Variants in GTPBP10 observed in about 807,000 individuals in gnomAD.
The protein encoded by GTPBP10 is GTP binding protein 10, also known as GTP-binding protein 10.
Under a neutral mutation model 44.8 loss-of-function variants are expected in GTPBP10, and 38 were observed. That is an observed-to-expected ratio of 0.85 (90% CI 0.65 to 1.11). The LOEUF is 1.11. GTPBP10 is among the 50% of genes most tolerant of loss of function. The probability of loss-of-function intolerance (pLI) is 0.00; values close to 1 mark genes in which losing one functional copy is unlikely to be tolerated. For missense variants in GTPBP10, 462 were observed against 453.7 expected (o/e 1.02, Z -0.17); for synonymous variants, 152 against 150.6 (o/e 1.01, Z -0.07).
chr7:90,360,434 AAG>A (rs1269623720), intron 4 of GTPBP10, among the ~76,000 whole-genome samples: 3 of 152,186 alleles, frequency 2.0e-5, no homozygotes, highest in African/African-American at 7.2e-5. Flanking sequence ...AGGTTTGTCA[AAG>A]ATCAGATGGT....
At chr7:90,359,169 C>CT (rs896673320) in intron 4 of GTPBP10, among the ~76,000 whole-genome samples, 2 of 151,304 alleles carry the variant, frequency 1.3e-5, no homozygotes, top group Admixed American at 1.3e-4. Context: ...TTTTATTATG[C>CT]TTTAAGTTCT....
rs192991524 is a variant in GTPBP10, at chr7:90,366,313, C to T, written c.465-5842C>T. On this transcript the variant is annotated intron_variant, in intron 4 of 9. Coordinates refer to ENST00000222511, the MANE Select transcript of GTPBP10 (RefSeq NM_033107.4). ...TCATGGAATGAGTTAGAGAGGATTC[C>T]CTCTTTTTCTATTGAATGGAATTGT... Among the ~76,000 whole-genome samples, 12 of 152,186 alleles carry T rather than the reference C, an allele frequency of 7.9e-5. No individual in the cohort carries two copies. The East Asian group carries it at 2.3e-3, about 29-fold the overall frequency.
At position 90,384,977 on chromosome 7, in the gene GTPBP10, A is replaced by T; in HGVS notation, c.987A>T (p.Gly329=). Residue 329 remains glycine, a synonymous_variant, in exon 10 of 10, where the codon GGA becomes GGT. Coordinates refer to ENST00000222511, the MANE Select transcript of GTPBP10 (RefSeq NM_033107.4). ...TCATCCCCATATCTGCAGTTACTGG[A>T]GAAGGAATCGAAGAATTAAAGAATT... ...QHIIPISAVT[G]EGIEELKNCI... is the part of the protein sequence containing the mutation. 6.2e-7 allele frequency: 1 copy of T among 1,613,746 alleles called. No homozygotes were observed. Among genetic ancestry groups the T allele is most frequent in the Non-Finnish European group, 8.5e-7 (1 of 1,179,732 alleles).
At chr7:90,360,160 A>G (rs1361020495) in intron 4 of GTPBP10, among the ~76,000 whole-genome samples, 2 of 151,730 alleles carry the variant, frequency 1.3e-5, no homozygotes, top group Non-Finnish European at 2.9e-5. Flanking sequence ...CCCATTTGTC[A>G]ATTTTGTCTT....
Position 90,372,227 on chromosome 7 carries a change from A to G in GTPBP10, c.537A>G (p.Ala179=). 16 of 1,581,764 alleles carry G rather than the reference A, an allele frequency of 1.0e-5. No individual in the cohort carries two copies. The highest frequency in any genetic ancestry group is 1.4e-5 in the Non-Finnish European group (16 of 1,155,092). The change falls in exon 5 of 10, where the codon GCA becomes GCG. Residue 179 remains alanine, a splice_region_variant and synonymous_variant. Coordinates refer to ENST00000222511, the MANE Select transcript of GTPBP10 (RefSeq NM_033107.4). The part of the protein sequence containing the change: ...SHAKPAIADY[A]FTTLKPELGK... ...CAAAACCTGCAATTGCAGATTACGCATGTAAGTGTAATTTGATTGTACATT... is the reference window on the plus strand; with the variant it reads ...CAAAACCTGCAATTGCAGATTACGCGTGTAAGTGTAATTTGATTGTACATT...
rs1453351787 is a variant in GTPBP10 at position 90,385,080 on chromosome 7, A to G, written c.1090A>G (p.Ile364Val). 4.3e-6 allele frequency: 7 copies of G among 1,613,488 alleles called. No individual in the cohort carries two copies. Among genetic ancestry groups the G allele is most frequent in the Non-Finnish European group, 5.9e-6 (7 of 1,179,608 alleles). Residue 364 changes from isoleucine to valine, a missense_variant, in exon 10 of 10, where the codon ATT (isoleucine) becomes GTT (valine). By Grantham distance (29) the Ile-to-Val change is conservative (BLOSUM62 3). Coordinates refer to ENST00000222511, the MANE Select transcript of GTPBP10 (RefSeq NM_033107.4). ...TAAGAAACAGTTGCTTAATTTGTGG[A>G]TTTCTGATACAATGTCTTCTACTGA... is the stretch of plus-strand genomic sequence containing the variant. ...LHKKQLLNLW[I>V]SDTMSSTEPP...
chr7:90,384,594 AC>A (rs555620480), intron 9 of GTPBP10, among the ~76,000 whole-genome samples: 2 of 149,142 alleles, frequency 1.3e-5, no homozygotes, highest in African/African-American at 5.0e-5. Context: ...GCCTTATTTA[AC>A]CCCCCCCACA....
intron 4 of GTPBP10, among the ~76,000 whole-genome samples, chr7:90,369,681 A>C (rs77906392): frequency 6.6e-6 from 1 of 152,158 alleles, no homozygotes; most frequent in Admixed American, 6.6e-5. Context: ...GGAAAAGCGC[A>C]GTATTTAGGC....
rs368915784 is a variant in GTPBP10, at chr7:90,348,073, G to T, written c.33+1299G>T. 5.9e-5 allele frequency among the ~76,000 whole-genome samples: 9 copies of T among 152,120 alleles called. No individual in the cohort carries two copies. The East Asian group carries it at 9.7e-4, about 16-fold the overall frequency. On this transcript the variant is annotated intron_variant, in intron 1 of 9. Transcript: ENST00000222511. ...AAGACCCCATCTTTAAAACAGTCGG[G>T]GTGGTGTGGTGCCTGTAGTCCCAGC...
At chr7:90,369,486 T>C (rs1584639902) in intron 4 of GTPBP10, among the ~76,000 whole-genome samples, 2 of 152,122 alleles carry the variant, frequency 1.3e-5, no homozygotes. Flanking sequence ...TTGTTTACAC[T>C]GTCAGCACAA....
At chr7:90,375,639 G>A (rs1026206314) in intron 6 of GTPBP10, among the ~76,000 whole-genome samples, 4 of 152,078 alleles carry the variant, frequency 2.6e-5, no homozygotes, top group Admixed American at 1.3e-4. Flanking sequence ...CATTTATACC[G>A]AATTTTTAAG....
In GTPBP10 at chr7:90,388,316, A is replaced by C. The variant is rs925023354; in HGVS notation, c.*3162A>C. ...TTTCATTTTTACCTTTCAAAATGCAATTTTCAAAATATATGCTTTTTTGAA... is the reference window on the plus strand; with the variant it reads ...TTTCATTTTTACCTTTCAAAATGCACTTTTCAAAATATATGCTTTTTTGAA... On this transcript the variant is annotated 3_prime_UTR_variant, in exon 10 of 10. Transcript: ENST00000222511. 1 of 152,146 alleles carries C rather than the reference A, an allele frequency of 6.6e-6. No individual in the cohort carries two copies. Among genetic ancestry groups the C allele is most frequent in the Admixed American group, 6.5e-5 (1 of 15,278 alleles). The allele number at this position is 152,146 out of a possible 1,614,324, so 9.4% of individuals were successfully genotyped here. A position where few individuals can be genotyped will look rare whatever the true frequency, so the allele number is the denominator to read the frequency against.
At chr7:90,353,923 C>T (rs1205734342) in intron 2 of GTPBP10, among the ~76,000 whole-genome samples, 3 of 151,312 alleles carry the variant, frequency 2.0e-5, no homozygotes, top group Non-Finnish European at 2.9e-5. Flanking sequence ...ACCTTTCAGG[C>T]TGAAGTGATC....
rs559359920 is a variant in GTPBP10, at chr7:90,357,158, T to C, written c.464+1928T>C. Among the ~76,000 whole-genome samples the C allele has an allele frequency of 7.5e-4, 115 of 152,318 alleles. 2 individuals are homozygous for C. The highest frequency in any genetic ancestry group is 2.7e-3 in the African/African-American group (112 of 41,578). The stretch of plus-strand genomic sequence containing the variant: ...TTGTCAGATCTGATCTTTGCATAGG[T>C]TGGATTTTAGCCTGTAAAATTTTCA... On this transcript the variant is annotated intron_variant, in intron 4 of 9. Coordinates refer to ENST00000222511, the MANE Select transcript of GTPBP10 (RefSeq NM_033107.4).
Position 90,388,371 on chromosome 7 carries a change from TATTAA to T in GTPBP10, c.*3221_*3225del, listed in dbSNP as rs747561798. 16 of 152,124 alleles carry T rather than the reference TATTAA, an allele frequency of 1.1e-4. No homozygotes were observed. The highest frequency in any genetic ancestry group is 6.6e-4 in the Admixed American group (10 of 15,264). The allele number at this position is 152,124 out of a possible 1,614,324, so 9.4% of individuals were successfully genotyped here. ...TTATTATGTTACTGAATAACCAGAG[TATTAA>T]ATTCAATGTACAGCAAATTTTTACA... On this transcript the variant is annotated 3_prime_UTR_variant, in exon 10 of 10. Coordinates refer to ENST00000222511, the MANE Select transcript of GTPBP10 (RefSeq NM_033107.4).
intron 4 of GTPBP10, among the ~76,000 whole-genome samples, chr7:90,362,442 T>A (rs998635950): frequency 6.6e-6 from 1 of 152,214 alleles, no homozygotes; most frequent in African/African-American, 2.4e-5. Context: ...GTTGAGTGAT[T>A]TTGAGTGAGT....
chr7:90,352,812 TA>T lies in GTPBP10; in HGVS notation c.34-2del. The T allele has an allele frequency of 1.3e-6, 2 of 1,580,016 alleles. No homozygotes were observed. The highest frequency in any genetic ancestry group is 1.9e-5 in the Admixed American group (1 of 52,392). On this transcript the variant is annotated splice_polypyrimidine_tract_variant and splice_region_variant and intron_variant, in intron 1 of 9. Coordinates refer to ENST00000222511, the MANE Select transcript of GTPBP10 (RefSeq NM_033107.4). ...ACAAATATTCTTTCTCTTTTTTTTT[TA>T]AGTATGGAAATTTCATCGATAAGCT...
In GTPBP10 at chr7:90,389,815, T is replaced by C. The variant is rs894895274; in HGVS notation, c.*4661T>C. On this transcript the variant is annotated 3_prime_UTR_variant, in exon 10 of 10. Coordinates refer to ENST00000222511, the MANE Select transcript of GTPBP10 (RefSeq NM_033107.4). ...ATTTGTTTAGTTTTATTTATTCTTT[T>C]TAGAGACAGGGTCTCTCTGTGGAGT... is the stretch of plus-strand genomic sequence containing the variant. The C allele has an allele frequency of 6.6e-6, 1 of 152,176 alleles. No individual in the cohort carries two copies. Among genetic ancestry groups the C allele is most frequent in the Non-Finnish European group, 1.5e-5 (1 of 68,042 alleles). 9.4% of individuals were successfully genotyped at this position (152,176 alleles called of 1,614,324 possible). A position where few individuals can be genotyped will look rare whatever the true frequency, so the allele number is the denominator to read the frequency against.
At chr7:90,384,432 T>C (rs547432309) in intron 9 of GTPBP10, among the ~76,000 whole-genome samples, 3 of 152,316 alleles carry the variant, frequency 2.0e-5, no homozygotes, top group Non-Finnish European at 4.4e-5. Context: ...CCCTCTTCAG[T>C]TTTTGTATGG....
Sources: allele counts gnomAD v4.1 joint callset (sites outside exome capture counted in the v4.1 genomes callset), GRCh38; gene constraint gnomAD v4.1.1; transcripts MANE v1.5; gene names NCBI Gene and HGNC (gene_info 2026-07-23, HGNC 2026-07-21).